CCSER2: variants seen among roughly 807,000 people sequenced by gnomAD.
CCSER2 encodes the protein serine-rich coiled-coil domain-containing protein 2.
A neutral mutation model predicts 92.3 loss-of-function variants in CCSER2; 46 were observed. The observed-to-expected ratio is 0.50, with a 90% CI of 0.39 to 0.64. CCSER2 has a LOEUF of 0.64. Ranked by LOEUF, CCSER2 falls within the 30% of genes least tolerant of loss-of-function variation. The pLI is 0.00. For synonymous variants in CCSER2, 433 were observed against 431.4 expected (o/e 1.00, Z -0.04); for missense variants, 1,244 against 1,238.9 (o/e 1.00, Z -0.06).
At chr10:84,408,705 T>A (rs10887284) in intron 3 of CCSER2, among the ~76,000 whole-genome samples, 54,217 of 152,134 alleles carry the variant, frequency 0.36, 11,568 homozygotes, top group East Asian at 0.5. Flanking sequence ...TTTCACTGAT[T>A]CAGTGCTGCT....
chr10:84,443,969 A>G (rs1844746620), intron 6 of CCSER2, among the ~76,000 whole-genome samples: 1 of 152,122 alleles, frequency 6.6e-6, no homozygotes, highest in South Asian at 2.1e-4. Flanking sequence ...AGGGAGGGGA[A>G]CATCACACAC....
chr10:84,389,349 T>G lies in CCSER2; in HGVS notation c.1614+15534T>G. On this transcript the variant is annotated intron_variant, in intron 3 of 9. Coordinates refer to ENST00000372088, the MANE Select transcript of CCSER2 (RefSeq NM_001284240.2). ...GCAATGTTGACAATCTCATCAAAAGTGATATTTTCACCTTGTTTAATATTT... is the reference window on the plus strand; with the variant it reads ...GCAATGTTGACAATCTCATCAAAAGGGATATTTTCACCTTGTTTAATATTT... 21 of 522,430 alleles carry G rather than the reference T, an allele frequency of 4.0e-5. 2 individuals carry two copies. Among genetic ancestry groups the G allele is most frequent in the South Asian group, 2.9e-4 (21 of 72,148 alleles). The allele number at this position is 522,430 out of a possible 1,614,324, so 32.4% of individuals were successfully genotyped here.
intron 6 of CCSER2, chr10:84,455,979 C>T (rs1450290487): frequency 6.6e-6 from 4 of 603,390 alleles, no homozygotes; most frequent in African/African-American, 1.9e-5. Flanking sequence ...AAGGGCATCA[C>T]GTACTCCTTT....
intron 3 of CCSER2, among the ~76,000 whole-genome samples, chr10:84,378,884 CTA>C (rs1846491488): frequency 1.3e-5 from 2 of 152,214 alleles, no homozygotes; most frequent in African/African-American, 4.8e-5. Context: ...TGCTAATAGT[CTA>C]TGTTTTTGCA....
chr10:84,417,329 A>G (rs1842936352), intron 3 of CCSER2, among the ~76,000 whole-genome samples: 1 of 152,252 alleles, frequency 6.6e-6, no homozygotes, highest in Non-Finnish European at 1.5e-5. Flanking sequence ...GTTTGGCACA[A>G]GAAAGGAAAT....
chr10:84,472,647 A>G (rs553540240), intron 8 of CCSER2, among the ~76,000 whole-genome samples: 4 of 152,318 alleles, frequency 2.6e-5, no homozygotes, highest in Admixed American at 1.3e-4. Flanking sequence ...CAATAGTAAA[A>G]TTAGAAAAGT....
intron 3 of CCSER2, among the ~76,000 whole-genome samples, chr10:84,404,432 A>G (rs1589565914): frequency 1.3e-5 from 2 of 152,162 alleles, no homozygotes; most frequent in Non-Finnish European, 2.9e-5. Context: ...TAGTCATGCA[A>G]ATACTTAAAA....
intron 6 of CCSER2, among the ~76,000 whole-genome samples, chr10:84,444,624 G>C (rs1844795452): frequency 6.6e-6 from 1 of 152,134 alleles, no homozygotes; most frequent in African/African-American, 2.4e-5. Flanking sequence ...GGACAGCAGG[G>C]AGAAGAGAGT....
chr10:84,452,010 T>A (rs1040378830), intron 6 of CCSER2, among the ~76,000 whole-genome samples: 9 of 152,236 alleles, frequency 5.9e-5, no homozygotes, highest in African/African-American at 2.2e-4. Flanking sequence ...GATGTGATTG[T>A]TCATCTATAT....
intron 1 of CCSER2, among the ~76,000 whole-genome samples, chr10:84,362,726 T>C (rs1257926844): frequency 6.6e-6 from 1 of 152,212 alleles, no homozygotes; most frequent in Non-Finnish European, 1.5e-5. Flanking sequence ...GCATGTCCTC[T>C]TTAAAACTTT....
chr10:84,352,197 G>A (rs936734166), intron 1 of CCSER2, among the ~76,000 whole-genome samples: 1 of 152,056 alleles, frequency 6.6e-6, no homozygotes, highest in Non-Finnish European at 1.5e-5. Flanking sequence ...CCAGGTACTC[G>A]GGAGGCTGAG....
At chr10:84,440,797 A>C (rs1461188608) in intron 6 of CCSER2, among the ~76,000 whole-genome samples, 1 of 152,214 alleles carries the variant, frequency 6.6e-6, no homozygotes, top group Non-Finnish European at 1.5e-5. Flanking sequence ...GATATTAATA[A>C]GTTTGGTTGG....
chr10:84,510,383 C>CT (rs774103707), intron 9 of CCSER2, among the ~76,000 whole-genome samples: 2 of 152,162 alleles, frequency 1.3e-5, no homozygotes, highest in Non-Finnish European at 2.9e-5. Flanking sequence ...TGTTGTTACG[C>CT]TTAAGACATG....
intron 9 of CCSER2, among the ~76,000 whole-genome samples, chr10:84,487,091 C>G (rs1564714817): frequency 6.6e-6 from 1 of 152,102 alleles, no homozygotes; most frequent in African/African-American, 2.4e-5. Context: ...CTGTTCTGTT[C>G]CATTGGTCTA....
chr10:84,419,053 A>G (rs1426033432), intron 4 of CCSER2, among the ~76,000 whole-genome samples: 1 of 152,148 alleles, frequency 6.6e-6, no homozygotes, highest in East Asian at 1.9e-4. Context: ...TTTTACTAAA[A>G]CGTAAGATTT....
In CCSER2 at chr10:84,465,257, G is replaced by A. The variant is rs1334916322; in HGVS notation, c.2148+1241G>A. Among the ~76,000 whole-genome samples the A allele has an allele frequency of 2.7e-3, 149 of 55,534 alleles. 1 individual carries two copies. Among genetic ancestry groups the A allele is most frequent in the Admixed American group, 7.3e-3 (44 of 6,014 alleles). 36.4% of individuals were successfully genotyped at this position (55,534 alleles called of 152,430 possible). A position where few individuals can be genotyped will look rare whatever the true frequency, so the allele number is the denominator to read the frequency against. ...CCTGAATTTGTGTGTGTGTGTGTGT[G>A]TGTGTGTGTGTGTGTGTGTGTGTGT... is the stretch of plus-strand genomic sequence containing the variant. On this transcript the variant is annotated intron_variant, in intron 7 of 9. Transcript: ENST00000372088.
intron 3 of CCSER2, 185 bp downstream of exon 3, chr10:84,374,000 G>A: frequency 3.9e-6 from 5 of 1,275,550 alleles, no homozygotes; most frequent in Non-Finnish European, 4.2e-6. Flanking sequence ...GAGAATATAT[G>A]ACATTTGACT....
In CCSER2 at chr10:84,328,800, C is replaced by A; in HGVS notation, c.-48C>A. ...GCCGCGGCCGAGGAGGCAGCGCGAC[C>A]TCCGCACGGTGAGATCCGGGCTCAG... On this transcript the variant is annotated 5_prime_UTR_variant, in exon 1 of 10. Transcript: ENST00000372088. The A allele has an allele frequency of 6.6e-6, 1 of 151,564 alleles. No individual in the cohort carries two copies. The highest frequency in any genetic ancestry group is 2.0e-4 in the South Asian group (1 of 5,058). The allele number at this position is 151,564 out of a possible 1,614,324, so 9.4% of individuals were successfully genotyped here. A position where few individuals can be genotyped will look rare whatever the true frequency, so the allele number is the denominator to read the frequency against.
intron 6 of CCSER2, among the ~76,000 whole-genome samples, chr10:84,462,021 C>T (rs1299369288): frequency 6.6e-6 from 1 of 152,168 alleles, no homozygotes; most frequent in Non-Finnish European, 1.5e-5. Context: ...GTTTTCAAAG[C>T]TTTTGCCATG....
Sources: allele counts gnomAD v4.1 joint callset (sites outside exome capture counted in the v4.1 genomes callset), GRCh38; gene constraint gnomAD v4.1.1; transcripts MANE v1.5; gene names NCBI Gene and HGNC (gene_info 2026-07-23, HGNC 2026-07-21).